The following PLXDC2 variants were observed in gnomAD, a reference collection of about 807,000 sequenced individuals.
PLXDC2 encodes plexin domain containing 2.
A neutral mutation model predicts 68.9 loss-of-function variants in PLXDC2; 40 were observed. That is an observed-to-expected ratio of 0.58 (90% CI 0.45 to 0.76). The LOEUF (loss-of-function observed/expected upper bound fraction) is 0.76. Among genes scored for constraint, PLXDC2 ranks in the 30% least tolerant of loss-of-function variants. The pLI, the probability that PLXDC2 is intolerant of heterozygous loss-of-function variation, is 0.00. For synonymous variants in PLXDC2, 243 were observed against 234.2 expected, an observed-to-expected ratio of 1.04 and a Z score of -0.34; for missense variants, 644 against 661.9, an observed-to-expected ratio of 0.97 and a Z score of 0.30.
chr10:19,878,604 C>T (rs1837675726), intron 1 of PLXDC2, among the ~76,000 whole-genome samples: 1 of 152,110 alleles, frequency 6.6e-6, no homozygotes. Context: ...TGCTCATTGG[C>T]ATTTGGATTA....
chr10:19,985,719 C>T (rs1158265906), intron 1 of PLXDC2, among the ~76,000 whole-genome samples: 5 of 152,246 alleles, frequency 3.3e-5, no homozygotes, highest in African/African-American at 9.6e-5. Context: ...GTGAGCCTGA[C>T]GTGGTGAAAA....
At chr10:19,952,977 GCCTC>G (rs1459958931) in intron 1 of PLXDC2, among the ~76,000 whole-genome samples, 36 of 151,998 alleles carry the variant, frequency 2.4e-4, no homozygotes, top group African/African-American at 3.4e-4. Context: ...CGATTCTCCT[GCCTC>G]AGCCTCCTAA....
intron 1 of PLXDC2, among the ~76,000 whole-genome samples, chr10:19,988,874 C>T (rs1037194032): frequency 7.2e-6 from 1 of 139,054 alleles, no homozygotes. Flanking sequence ...CTGCTCACTG[C>T]AACCTCCGCC....
chr10:20,216,070 C>A (rs1323765890), intron 10 of PLXDC2, among the ~76,000 whole-genome samples: 3 of 148,074 alleles, frequency 2.0e-5, no homozygotes, highest in Non-Finnish European at 3.0e-5. Flanking sequence ...AGGGAAAAGG[C>A]AGATCTTTTC....
At chr10:19,821,632 T>A (rs543716127) in intron 1 of PLXDC2, among the ~76,000 whole-genome samples, 1 of 152,248 alleles carries the variant, frequency 6.6e-6, no homozygotes, top group African/African-American at 2.4e-5. Flanking sequence ...ACTAGAACTA[T>A]AGTTCAAGCT....
intron 4 of PLXDC2, among the ~76,000 whole-genome samples, chr10:20,113,543 G>A (rs1833584723): frequency 6.6e-6 from 1 of 152,084 alleles, no homozygotes; most frequent in African/African-American, 2.4e-5. Flanking sequence ...TCCTGAGATA[G>A]ACAGCGAATT....
intron 12 of PLXDC2, among the ~76,000 whole-genome samples, chr10:20,220,346 G>A (rs1453750747): frequency 2.0e-5 from 3 of 152,118 alleles, no homozygotes; most frequent in Non-Finnish European, 4.4e-5. Flanking sequence ...CTCATTTTGA[G>A]GGAAGAGATG....
chr10:19,978,335 A>T (rs1282503432), intron 1 of PLXDC2, among the ~76,000 whole-genome samples: 1 of 152,132 alleles, frequency 6.6e-6, no homozygotes, highest in African/African-American at 2.4e-5. Context: ...TAGACTAAAT[A>T]TATCTTGTTA....
chr10:19,966,930 G>T (rs1464302315), intron 1 of PLXDC2, among the ~76,000 whole-genome samples: 1 of 152,180 alleles, frequency 6.6e-6, no homozygotes, highest in Non-Finnish European at 1.5e-5. Flanking sequence ...CTGGTGCTGG[G>T]TCGCTGTTTC....
At chr10:19,824,676 G>A (rs1303562492) in intron 1 of PLXDC2, among the ~76,000 whole-genome samples, 1 of 152,170 alleles carries the variant, frequency 6.6e-6, no homozygotes. Flanking sequence ...AAGTAGTGAT[G>A]CTTTTATTAA....
chr10:19,991,245 T>TTA (rs1834744771), intron 1 of PLXDC2, among the ~76,000 whole-genome samples: 1 of 121,356 alleles, frequency 8.2e-6, no homozygotes, highest in African/African-American at 3.3e-5. Context: ...AAACTCTCTC[T>TTA]CAAAAAAAAA....
chr10:19,824,124 G>T (rs571082375), intron 1 of PLXDC2, among the ~76,000 whole-genome samples: 9 of 152,308 alleles, frequency 5.9e-5, no homozygotes, highest in African/African-American at 2.2e-4. Context: ...ATGAGAAAAT[G>T]AGAAAGAGAA....
chr10:20,023,751 C>G (rs1259083212), intron 2 of PLXDC2, among the ~76,000 whole-genome samples: 1 of 133,894 alleles, frequency 7.5e-6, no homozygotes, highest in Non-Finnish European at 1.6e-5. Context: ...TATTTATAGG[C>G]AGCCACTTTC....
chr10:19,978,767 A>G (rs376149464), intron 1 of PLXDC2, among the ~76,000 whole-genome samples: 2 of 152,220 alleles, frequency 1.3e-5, no homozygotes, highest in South Asian at 4.1e-4. Context: ...AGTTTTGATT[A>G]CAATTGGACC....
At chr10:20,209,253 G>A (rs530847768) in intron 9 of PLXDC2, among the ~76,000 whole-genome samples, 312 of 152,106 alleles carry the variant, frequency 2.1e-3, no homozygotes, top group Non-Finnish European at 3.7e-3. Flanking sequence ...CTTAGAAGAC[G>A]GCCGCCCCTG....
At chr10:20,008,128 G>A (rs1023686857) in intron 2 of PLXDC2, among the ~76,000 whole-genome samples, 1 of 152,170 alleles carries the variant, frequency 6.6e-6, no homozygotes, top group Non-Finnish European at 1.5e-5. Context: ...TGTGCAATAT[G>A]TTTCTTTAAA....
chr10:19,842,307 A>G (rs1019477384), intron 1 of PLXDC2, among the ~76,000 whole-genome samples: 1 of 152,200 alleles, frequency 6.6e-6, no homozygotes, highest in Admixed American at 6.5e-5. Flanking sequence ...AGTGTTATCT[A>G]TGTCTCTTCA....
At chr10:20,101,968 A>G (rs1833428874) in intron 4 of PLXDC2, among the ~76,000 whole-genome samples, 1 of 151,672 alleles carries the variant, frequency 6.6e-6, no homozygotes. Flanking sequence ...TGCCCGGCTA[A>G]TTTTTGCATT....
intron 1 of PLXDC2, among the ~76,000 whole-genome samples, chr10:19,980,731 G>T (rs1358304960): frequency 1.3e-5 from 2 of 152,120 alleles, no homozygotes; most frequent in Non-Finnish European, 2.9e-5. Flanking sequence ...TCTCCTAAAG[G>T]CACTAACCTT....
Sources: allele counts gnomAD v4.1 joint callset (sites outside exome capture counted in the v4.1 genomes callset), GRCh38; gene constraint gnomAD v4.1.1; transcripts MANE v1.5; gene names NCBI Gene and HGNC (gene_info 2026-07-23, HGNC 2026-07-21).